NEGR1: variants seen among roughly 807,000 people sequenced by gnomAD.
The protein encoded by NEGR1 is neuronal growth regulator 1.
NEGR1 carries 10 observed loss-of-function variants against 40.9 expected under a neutral mutation model. That is an observed-to-expected ratio of 0.24 (90% CI 0.15 to 0.42). NEGR1 has a LOEUF of 0.42. NEGR1 is among the 10% of genes least tolerant of loss of function. The pLI, the probability that NEGR1 is intolerant of heterozygous loss-of-function variation, is 1.00. For synonymous variants in NEGR1, 185 were observed against 166.8 expected (o/e 1.11, Z -0.84); for missense variants, 352 against 438.9 (o/e 0.80, Z 1.77).
At chr1:71,824,348 A>G (rs985956136) in intron 2 of NEGR1, among the ~76,000 whole-genome samples, 14 of 150,990 alleles carry the variant, frequency 9.3e-5, no homozygotes, top group African/African-American at 3.4e-4. Context: ...TGAAGGAGAG[A>G]TAAGATCATA....
At chr1:72,021,066 A>T (rs1476083523) in intron 1 of NEGR1, among the ~76,000 whole-genome samples, 1 of 152,190 alleles carries the variant, frequency 6.6e-6, no homozygotes, top group African/African-American at 2.4e-5. Context: ...AAAAGTCCTG[A>T]CAAATTTCAT....
At chr1:72,226,247 T>C (rs920799807) in intron 1 of NEGR1, among the ~76,000 whole-genome samples, 2 of 151,986 alleles carry the variant, frequency 1.3e-5, no homozygotes, top group Non-Finnish European at 2.9e-5. Flanking sequence ...GTCATAATCA[T>C]ATTACACAAT....
chr1:71,825,881 C>A (rs1658601729), intron 2 of NEGR1, among the ~76,000 whole-genome samples: 1 of 151,862 alleles, frequency 6.6e-6, no homozygotes, highest in Non-Finnish European at 1.5e-5. Flanking sequence ...TGACATGTAT[C>A]CCTTTTACTA....
chr1:71,452,155 C>T (rs947614257), intron 6 of NEGR1, among the ~76,000 whole-genome samples: 2 of 152,174 alleles, frequency 1.3e-5, no homozygotes, highest in African/African-American at 4.8e-5. Flanking sequence ...CACACATATC[C>T]ATTCATGATT....
chr1:72,143,914 AATATATAT>A (rs61582804), intron 1 of NEGR1, among the ~76,000 whole-genome samples: 7 of 130,610 alleles, frequency 5.4e-5, no homozygotes, highest in Admixed American at 1.6e-4. Flanking sequence ...TGATATATAT[AATATATAT>A]ATATATATAT....
chr1:72,200,098 CT>C lies in NEGR1; in HGVS notation c.176+82220del, dbSNP rs888335654. ...GTAGGAATGTAAATTAGTTCAGTCACTGTAGAAAACAATGTGGAAGTTTCTC... is the reference window on the plus strand; with the variant it reads ...GTAGGAATGTAAATTAGTTCAGTCACGTAGAAAACAATGTGGAAGTTTCTC... On this transcript the variant is annotated intron_variant, in intron 1 of 6. Coordinates refer to ENST00000357731, the MANE Select transcript of NEGR1 (RefSeq NM_173808.3). 6.6e-5 allele frequency among the ~76,000 whole-genome samples: 10 copies of C among 152,008 alleles called. No homozygotes were observed. The South Asian group carries it at 1.9e-3, about 28-fold the overall frequency.
At chr1:71,534,224 C>T (rs1647443323) in intron 6 of NEGR1, among the ~76,000 whole-genome samples, 1 of 151,804 alleles carries the variant, frequency 6.6e-6, no homozygotes, top group South Asian at 2.1e-4. Flanking sequence ...TCTGAAAAGG[C>T]AGTGGCAATG....
At chr1:71,963,224 T>G (rs2100300551) in intron 1 of NEGR1, among the ~76,000 whole-genome samples, 1 of 152,196 alleles carries the variant, frequency 6.6e-6, no homozygotes, top group South Asian at 2.1e-4. Context: ...CCCTTTCTTT[T>G]TAAGTACCTG....
At chr1:71,465,633 C>T (rs1646740788) in intron 6 of NEGR1, among the ~76,000 whole-genome samples, 1 of 151,998 alleles carries the variant, frequency 6.6e-6, no homozygotes, top group Non-Finnish European at 1.5e-5. Context: ...ACCTTTTTCA[C>T]TCCTGTTATT....
At chr1:71,543,996 G>A (rs2101460679) in intron 6 of NEGR1, among the ~76,000 whole-genome samples, 1 of 151,542 alleles carries the variant, frequency 6.6e-6, no homozygotes, top group East Asian at 2.0e-4. Flanking sequence ...TGACTTCCTT[G>A]TCCCCTGCAG....
intron 4 of NEGR1, among the ~76,000 whole-genome samples, chr1:71,621,299 T>C (rs1328412825): frequency 6.6e-6 from 1 of 151,870 alleles, no homozygotes; most frequent in Non-Finnish European, 1.5e-5. Flanking sequence ...TATATTCCTC[T>C]TTGAACAAGA....
chr1:71,728,697 G>A (rs1329381742), intron 3 of NEGR1, among the ~76,000 whole-genome samples: 1 of 152,070 alleles, frequency 6.6e-6, no homozygotes. Context: ...GTAAAGAAAG[G>A]AACATTGATT....
At chr1:72,137,879 A>G (rs1465432883) in intron 1 of NEGR1, among the ~76,000 whole-genome samples, 1 of 152,172 alleles carries the variant, frequency 6.6e-6, no homozygotes, top group Non-Finnish European at 1.5e-5. Flanking sequence ...TGTCAAAACT[A>G]TGTAAGGCAG....
chr1:72,074,845 C>T (rs1009278522), intron 1 of NEGR1, among the ~76,000 whole-genome samples: 1 of 151,936 alleles, frequency 6.6e-6, no homozygotes, highest in Non-Finnish European at 1.5e-5. Context: ...TTTGGTCTTA[C>T]AATGTTTTAT....
intron 4 of NEGR1, among the ~76,000 whole-genome samples, chr1:71,633,466 G>A (rs1327408410): frequency 1.3e-5 from 2 of 152,020 alleles, no homozygotes; most frequent in African/African-American, 4.8e-5. Flanking sequence ...AGGAGTTTGA[G>A]TCTAAAAGTG....
intron 6 of NEGR1, among the ~76,000 whole-genome samples, chr1:71,451,602 C>G (rs1646629274): frequency 6.6e-6 from 1 of 152,104 alleles, no homozygotes; most frequent in Non-Finnish European, 1.5e-5. Flanking sequence ...TCCCAAAGTG[C>G]TATGATTACA....
At chr1:71,621,583 G>T (rs1477191420) in intron 4 of NEGR1, among the ~76,000 whole-genome samples, 1 of 151,238 alleles carries the variant, frequency 6.6e-6, no homozygotes, top group Non-Finnish European at 1.5e-5. Flanking sequence ...CCTTATGTTT[G>T]AAAAGGTACA....
At chr1:71,882,805 T>G (rs1660618104) in intron 2 of NEGR1, among the ~76,000 whole-genome samples, 1 of 152,058 alleles carries the variant, frequency 6.6e-6, no homozygotes, top group Non-Finnish European at 1.5e-5. Flanking sequence ...TGGAGGAGTT[T>G]ACACAGATAC....
chr1:71,633,011 T>A (rs1299243730), intron 4 of NEGR1, among the ~76,000 whole-genome samples: 2 of 152,120 alleles, frequency 1.3e-5, no homozygotes, highest in East Asian at 3.9e-4. Context: ...ATTTTGTTAT[T>A]AAGTAGATAT....
Sources: gnomAD v4.1 joint callset for allele counts (sites outside exome capture counted in the v4.1 genomes callset) on GRCh38, gnomAD v4.1.1 for gene constraint, MANE v1.5 for transcripts, NCBI Gene and HGNC (gene_info 2026-07-23, HGNC 2026-07-21) for gene names.